Variants in CNTNAP5 observed in about 807,000 individuals in gnomAD.
CNTNAP5 encodes contactin-associated protein-like 5.
A neutral mutation model predicts 150.2 loss-of-function variants in CNTNAP5; 72 were observed. The observed-to-expected ratio is 0.48, with a 90% CI of 0.40 to 0.58. The LOEUF (loss-of-function observed/expected upper bound fraction) is 0.58, where lower values mean the gene tolerates loss of function less well. Among genes scored for constraint, CNTNAP5 ranks in the 20% least tolerant of loss-of-function variants. CNTNAP5 has a pLI of 0.00. For synonymous variants in CNTNAP5, 672 were observed against 619.8 expected, an observed-to-expected ratio of 1.08 and a Z score of -1.25; for missense variants, 1,636 against 1,626.2, an observed-to-expected ratio of 1.01 and a Z score of -0.10.
intron 13 of CNTNAP5, among the ~76,000 whole-genome samples, chr2:124,653,911 A>ACCCCCCC (rs70996088): frequency 8.7e-5 from 5 of 57,482 alleles, no homozygotes; most frequent in Admixed American, 4.2e-4. Flanking sequence ...ACTGCCCCCA[A>ACCCCCCC]CCCCCCCCCC....
At chr2:124,100,888 ATAAGAT>A (rs922433181) in intron 1 of CNTNAP5, among the ~76,000 whole-genome samples, 1 of 151,154 alleles carries the variant, frequency 6.6e-6, no homozygotes, top group Non-Finnish European at 1.5e-5. Flanking sequence ...AAAAAAAAGA[ATAAGAT>A]AAAGTTGATG....
intron 1 of CNTNAP5, among the ~76,000 whole-genome samples, chr2:124,102,452 C>G (rs1421079517): frequency 6.6e-6 from 1 of 152,184 alleles, no homozygotes; most frequent in Non-Finnish European, 1.5e-5. Flanking sequence ...TCATCCCACT[C>G]TGCCCATTCA....
chr2:124,242,630 A>G (rs1208289233), intron 3 of CNTNAP5, among the ~76,000 whole-genome samples: 2 of 152,174 alleles, frequency 1.3e-5, no homozygotes, highest in South Asian at 2.1e-4. Flanking sequence ...TAAACTGGGT[A>G]ATTCACTGAC....
At chr2:124,827,516 T>A (rs894708230) in intron 19 of CNTNAP5, among the ~76,000 whole-genome samples, 1 of 152,186 alleles carries the variant, frequency 6.6e-6, no homozygotes, top group African/African-American at 2.4e-5. Flanking sequence ...GACATCCTTC[T>A]TCTGTCATGT....
intron 6 of CNTNAP5, among the ~76,000 whole-genome samples, chr2:124,462,540 G>T (rs1463627327): frequency 6.6e-6 from 1 of 152,158 alleles, no homozygotes; most frequent in African/African-American, 2.4e-5. Flanking sequence ...AGGAGCAAAT[G>T]GTAACATATC....
intron 19 of CNTNAP5, among the ~76,000 whole-genome samples, chr2:124,816,898 C>T (rs986076659): frequency 5.9e-5 from 9 of 152,092 alleles, no homozygotes; most frequent in African/African-American, 1.9e-4. Flanking sequence ...CCTAATCATG[C>T]GAATGATATC....
At chr2:124,229,739 GGGTTGGT>G (rs1686566303) in intron 2 of CNTNAP5, among the ~76,000 whole-genome samples, 1 of 152,122 alleles carries the variant, frequency 6.6e-6, no homozygotes, top group African/African-American at 2.4e-5. Flanking sequence ...GGAAGTGCAG[GGGTTGGT>G]GGTATATAGC....
intron 7 of CNTNAP5, among the ~76,000 whole-genome samples, chr2:124,478,029 A>G (rs757917468): frequency 1.3e-5 from 2 of 152,266 alleles, no homozygotes; most frequent in Middle Eastern, 3.4e-3. Flanking sequence ...TCCCTATAGT[A>G]ATATTAAAAA....
intron 11 of CNTNAP5, among the ~76,000 whole-genome samples, chr2:124,589,094 A>AT (rs1160429497): frequency 2.6e-5 from 4 of 152,116 alleles, no homozygotes; most frequent in Non-Finnish European, 5.9e-5. Context: ...GGTTTGTAGC[A>AT]TACTCACCTG....
chr2:124,394,260 T>C (rs556009488), intron 3 of CNTNAP5, among the ~76,000 whole-genome samples: 1 of 151,202 alleles, frequency 6.6e-6, no homozygotes, highest in South Asian at 2.1e-4. Flanking sequence ...TAATCCCAGC[T>C]ACTCAGGAGG....
intron 10 of CNTNAP5, among the ~76,000 whole-genome samples, chr2:124,540,138 G>A (rs564524245): frequency 3.0e-4 from 46 of 152,256 alleles, no homozygotes; most frequent in Admixed American, 2.6e-4. Flanking sequence ...CCAGAACACC[G>A]TTAACTTTAT....
chr2:124,281,031 C>T (rs1314401482), intron 3 of CNTNAP5, among the ~76,000 whole-genome samples: 1 of 152,096 alleles, frequency 6.6e-6, no homozygotes, highest in Non-Finnish European at 1.5e-5. Context: ...AAAATTTTGT[C>T]CTAATGATGT....
At chr2:124,517,588 A>AGGG (rs1694753285) in intron 8 of CNTNAP5, among the ~76,000 whole-genome samples, 2 of 52,634 alleles carry the variant, frequency 3.8e-5, no homozygotes, top group Admixed American at 1.8e-4. Flanking sequence ...GTGATGGAAG[A>AGGG]TTGTGGTGTT....
rs1691661910 is a variant in CNTNAP5, at chr2:124,408,646, G to A, written c.382-8797G>A. Among the ~76,000 whole-genome samples the A allele has an allele frequency of 2.0e-5, 3 of 151,666 alleles. 1 individual carries two copies. Among genetic ancestry groups the A allele is most frequent in the Admixed American group, 6.6e-5 (1 of 15,242 alleles). On this transcript the variant is annotated intron_variant, in intron 3 of 23. Coordinates refer to ENST00000682447, the MANE Select transcript of CNTNAP5 (RefSeq NM_001367498.1). ...GGCACACTGACACCTCACAAGGCAG[G>A]GTATTCCAACAGACCTGCAGCTGAG...
intron 12 of CNTNAP5, among the ~76,000 whole-genome samples, chr2:124,644,481 T>C (rs1271077156): frequency 6.6e-6 from 1 of 152,276 alleles, no homozygotes; most frequent in Non-Finnish European, 1.5e-5. Context: ...CAATATGATA[T>C]TGGTAAAGCA....
intron 21 of CNTNAP5, among the ~76,000 whole-genome samples, chr2:124,873,335 C>T (rs1677790825): frequency 6.6e-6 from 1 of 152,076 alleles, no homozygotes. Flanking sequence ...AATCACCACC[C>T]ACCAGGTCCT....
At chr2:124,619,848 T>C (rs1286231525) in intron 12 of CNTNAP5, among the ~76,000 whole-genome samples, 3 of 6,326 alleles carry the variant, frequency 4.7e-4, no homozygotes, top group African/African-American at 5.0e-4. Flanking sequence ...CATTCATATA[T>C]ATATATATAT....
chr2:124,893,765 A>C (rs1471469342), intron 21 of CNTNAP5, among the ~76,000 whole-genome samples: 2 of 152,114 alleles, frequency 1.3e-5, no homozygotes, highest in Non-Finnish European at 2.9e-5. Flanking sequence ...GCTGGACTCC[A>C]GTCCCAGAGA....
chr2:124,560,825 T>A (rs1246721475), intron 10 of CNTNAP5, among the ~76,000 whole-genome samples: 4 of 152,192 alleles, frequency 2.6e-5, no homozygotes, highest in African/African-American at 9.7e-5. Context: ...GTCAGCATAT[T>A]TTTTGTTTAT....
Sources: allele counts gnomAD v4.1 joint callset (sites outside exome capture counted in the v4.1 genomes callset), GRCh38; gene constraint gnomAD v4.1.1; transcripts MANE v1.5; gene names NCBI Gene and HGNC (gene_info 2026-07-23, HGNC 2026-07-21).